SORL1: variants seen among roughly 807,000 people sequenced by gnomAD.
SORL1 encodes the protein sortilin-related receptor.
A neutral mutation model predicts 273.7 loss-of-function variants in SORL1; 127 were observed. The ratio of observed to expected loss-of-function variants is 0.46; its 90% CI spans 0.40 to 0.54. The LOEUF (loss-of-function observed/expected upper bound fraction) is 0.54, where lower values mean the gene tolerates loss of function less well. Ranked by LOEUF, SORL1 falls within the 20% of genes least tolerant of loss-of-function variation. SORL1 has a pLI of 0.00. For missense variants in SORL1, 2,494 were observed against 2,846.1 expected, an observed-to-expected ratio of 0.88 and a Z score of 2.81; for synonymous variants, 1,031 against 1,067.4, an observed-to-expected ratio of 0.97 and a Z score of 0.66.
chr11:121,469,767 CA>C (rs1315642382), intron 1 of SORL1, among the ~76,000 whole-genome samples: 2 of 152,138 alleles, frequency 1.3e-5, no homozygotes, highest in Non-Finnish European at 2.9e-5. Context: ...AATGAGAGCC[CA>C]AGAAGCTTTT....
At chr11:121,538,247 C>G (rs626885) in intron 12 of SORL1, among the ~76,000 whole-genome samples, 82,833 of 151,246 alleles carry the variant, frequency 0.55, 22,880 homozygotes, top group Non-Finnish European at 0.57. Context: ...TTGACTACAC[C>G]ATTTAATCAG....
At chr11:121,607,821 C>A (rs773830419) in intron 37 of SORL1, among the ~76,000 whole-genome samples, 11 of 152,096 alleles carry the variant, frequency 7.2e-5, no homozygotes, top group Non-Finnish European at 1.3e-4. Flanking sequence ...TGAACACACC[C>A]CCCCATACAC....
chr11:121,490,209 G>A (rs1461571416), intron 5 of SORL1, 99 bp downstream of exon 5: 1 of 784,868 alleles, frequency 1.3e-6, no homozygotes, highest in African/African-American at 1.7e-5. Flanking sequence ...GAAATGTCCA[G>A]CATTTATTCA....
At chr11:121,547,417 C>CAAAAAAA (rs67390938) in intron 14 of SORL1, among the ~76,000 whole-genome samples, 304 of 24,040 alleles carry the variant, frequency 0.013, 32 homozygotes, top group Non-Finnish European at 0.014. Context: ...CAACCCTCAC[C>CAAAAAAA]AAAAAAAAAA....
At chr11:121,552,978 A>G (rs1862526334) in intron 16 of SORL1, among the ~76,000 whole-genome samples, 1 of 152,254 alleles carries the variant, frequency 6.6e-6, no homozygotes, top group African/African-American at 2.4e-5. Context: ...TGGACAAGAC[A>G]GTGTACTGGG....
intron 25 of SORL1, among the ~76,000 whole-genome samples, chr11:121,583,012 A>T (rs1002696703): frequency 2.0e-5 from 3 of 152,188 alleles, no homozygotes; most frequent in Non-Finnish European, 4.4e-5. Flanking sequence ...ATTTCTCAGC[A>T]TCTGGATGAG....
chr11:121,593,501 G>C (rs1340293413), intron 31 of SORL1, among the ~76,000 whole-genome samples: 1 of 152,158 alleles, frequency 6.6e-6, no homozygotes, highest in African/African-American at 2.4e-5. Context: ...TTGTTCTCTA[G>C]TCCTGCTGTG....
At chr11:121,541,490 A>AGCCACCG (rs1309532145) in intron 12 of SORL1, among the ~76,000 whole-genome samples, 9 of 152,210 alleles carry the variant, frequency 5.9e-5, no homozygotes, top group Non-Finnish European at 1.0e-4. Flanking sequence ...GATTACAGGC[A>AGCCACCG]TGTGCCACCA....
rs1354944565 is a variant in SORL1, at chr11:121,612,840, T to C, written c.5419+8T>C. 2 of 1,600,262 alleles carry C rather than the reference T, an allele frequency of 1.2e-6. No individual in the cohort carries two copies. The highest frequency in any genetic ancestry group is 2.2e-5 in the South Asian group (2 of 90,686). On this transcript the variant is annotated splice_region_variant and intron_variant, in intron 40 of 47. Transcript: ENST00000260197. ...GCATATTGTCACACAAAGGTAACAC[T>C]TTGGTGCTGGTCAGTGTGTGTGCAG...
intron 1 of SORL1, among the ~76,000 whole-genome samples, chr11:121,459,242 T>C (rs1343540111): frequency 1.3e-5 from 2 of 152,266 alleles, no homozygotes; most frequent in Non-Finnish European, 2.9e-5. Flanking sequence ...AATAGCCACA[T>C]GTGGCTCTTG....
chr11:121,494,927 A>G (rs962210143), intron 5 of SORL1, among the ~76,000 whole-genome samples: 1 of 152,204 alleles, frequency 6.6e-6, no homozygotes, highest in Non-Finnish European at 1.5e-5. Flanking sequence ...AAAGAAGAGA[A>G]CATGCCACCA....
In SORL1 at chr11:121,481,880, CT is replaced by C. The variant is rs1861394041; in HGVS notation, c.528+3639del. Among the ~76,000 whole-genome samples, 3 of 141,572 alleles carry C rather than the reference CT, an allele frequency of 2.1e-5. No individual in the cohort carries two copies. The Admixed American group carries it at 2.2e-4, about 10-fold the overall frequency. The allele number at this position is 141,572 out of a possible 152,430, so 92.9% of individuals were successfully genotyped here. A position where few individuals can be genotyped will look rare whatever the true frequency, so the allele number is the denominator to read the frequency against. On this transcript the variant is annotated intron_variant, in intron 3 of 47. Transcript: ENST00000260197. Reference sequence around the variant, plus strand: ...TAGTACACAGATACCTATAGGCAGGCTTCATCTCCTCCTCCCCAGCTCCTCC... The same window carrying C: ...TAGTACACAGATACCTATAGGCAGGCTCATCTCCTCCTCCCCAGCTCCTCC...
intron 12 of SORL1, among the ~76,000 whole-genome samples, chr11:121,540,748 A>G (rs1862336429): frequency 6.6e-6 from 1 of 152,152 alleles, no homozygotes; most frequent in African/African-American, 2.4e-5. Context: ...TTGGTCATGT[A>G]CCTGCTTGTT....
At position 121,497,029 on chromosome 11, in the gene SORL1, A is replaced by G. The variant is rs758629470; in HGVS notation, c.919A>G (p.Met307Val). 20 of 1,613,708 alleles carry G rather than the reference A, an allele frequency of 1.2e-5. No individual in the cohort carries two copies. The highest frequency in any genetic ancestry group is 1.7e-5 in the Admixed American group (1 of 59,978). Reference protein sequence around the residue: ...VRDFQLRDKYMFATKVVHLLG... With the variant: ...VRDFQLRDKYVFATKVVHLLG... ...AGATTTTCAGCTTCGGGACAAGTAC[A>G]TGTTTGCTACAAAGGTGGTGGTAAG... Residue 307 changes from methionine to valine, a missense_variant, in exon 6 of 48, where the codon ATG becomes GTG. Around this residue, in one of 3 missense-constraint regions of SORL1, gnomAD observed 710 missense variants for 882.5 expected, o/e 0.80. Transcript: ENST00000260197.
chr11:121,611,050 G>A lies in SORL1; in HGVS notation c.5240-26G>A, dbSNP rs559739738. The stretch of plus-strand genomic sequence containing the variant: ...CCTCACTTTTCATCACGTGGCTTCT[G>A]TTTTTGAATTCCTTTTTGTTTTCAG... On this transcript the variant is annotated intron_variant, in intron 38 of 47. Coordinates refer to ENST00000260197, the MANE Select transcript of SORL1 (RefSeq NM_003105.6). 91 of 1,565,970 alleles carry A rather than the reference G, an allele frequency of 5.8e-5. No homozygotes were observed. The South Asian group carries it at 8.1e-4, about 14-fold the overall frequency.
At chr11:121,484,065 A>G (rs1861436603) in intron 3 of SORL1, among the ~76,000 whole-genome samples, 1 of 152,140 alleles carries the variant, frequency 6.6e-6, no homozygotes, top group Non-Finnish European at 1.5e-5. Flanking sequence ...GCTTGTATTG[A>G]GCTGCTGTGC....
intron 12 of SORL1, among the ~76,000 whole-genome samples, chr11:121,536,072 T>C (rs144255357): frequency 7.4e-4 from 113 of 152,366 alleles, no homozygotes; most frequent in African/African-American, 2.7e-3. Context: ...TTTCTGTTTC[T>C]TCGCTGCGGT....
intron 6 of SORL1, among the ~76,000 whole-genome samples, chr11:121,509,645 T>G (rs963304929): frequency 6.6e-6 from 1 of 152,004 alleles, no homozygotes; most frequent in Non-Finnish European, 1.5e-5. Context: ...CCTAGCTAAT[T>G]TTTCTATTTT....
chr11:121,625,479 A>G (rs1027682405), intron 46 of SORL1, among the ~76,000 whole-genome samples: 2 of 152,176 alleles, frequency 1.3e-5, no homozygotes, highest in Non-Finnish European at 2.9e-5. Flanking sequence ...GGAAGCTGAG[A>G]TTACAGGGGG....
Sources: gnomAD v4.1 joint callset for allele counts (sites outside exome capture counted in the v4.1 genomes callset) on GRCh38, gnomAD v4.1.1 for gene constraint, gnomAD v4.1.1 regional missense constraint, MANE v1.5 for transcripts, NCBI Gene and HGNC (gene_info 2026-07-23, HGNC 2026-07-21) for gene names.